The following SSBP3 variants were observed in gnomAD, a reference collection of about 807,000 sequenced individuals.
The protein encoded by SSBP3 is single-stranded DNA-binding protein 3.
SSBP3 carries 5 observed loss-of-function variants against 69.6 expected under a neutral mutation model. The ratio of observed to expected loss-of-function variants is 0.07; its 90% confidence interval spans 0.04 to 0.15. The LOEUF (loss-of-function observed/expected upper bound fraction) is 0.15, where lower values mean the gene tolerates loss of function less well. Ranked by LOEUF, SSBP3 falls within the 10% of genes least tolerant of loss-of-function variation. The pLI is 1.00. For synonymous variants in SSBP3, 196 were observed against 193.4 expected, an observed-to-expected ratio of 1.01 and a Z score of -0.11; for missense variants, 312 against 534.0, an observed-to-expected ratio of 0.58 and a Z score of 4.10.
intron 4 of SSBP3, among the ~76,000 whole-genome samples, chr1:54,311,263 C>T (rs975571250): frequency 6.6e-6 from 1 of 152,160 alleles, no homozygotes; most frequent in South Asian, 2.1e-4. Flanking sequence ...TGACTTAATG[C>T]ACCAACTGCT....
chr1:54,310,218 C>T (rs781074683), intron 4 of SSBP3, among the ~76,000 whole-genome samples: 4 of 150,004 alleles, frequency 2.7e-5, no homozygotes, highest in Non-Finnish European at 6.0e-5. Context: ...GAGGCGCAGC[C>T]AACCTCAACA....
chr1:54,266,304 C>A (rs999349965), intron 5 of SSBP3, among the ~76,000 whole-genome samples: 2 of 152,234 alleles, frequency 1.3e-5, no homozygotes, highest in East Asian at 1.9e-4. Flanking sequence ...AGCCACCAGG[C>A]TGAGCTACAG....
chr1:54,367,197 T>C (rs557992975), intron 4 of SSBP3, among the ~76,000 whole-genome samples: 42 of 152,292 alleles, frequency 2.8e-4, no homozygotes, highest in African/African-American at 9.1e-4. Context: ...AATGATCTAC[T>C]TGGGCAAAAG....
intron 13 of SSBP3, among the ~76,000 whole-genome samples, chr1:54,239,634 G>C (rs1231476497): frequency 1.3e-5 from 2 of 152,220 alleles, no homozygotes; most frequent in South Asian, 2.1e-4. Flanking sequence ...CAGGCTGATG[G>C]GGCAGGAGGG....
chr1:54,373,054 G>A (rs1046133368), intron 4 of SSBP3, among the ~76,000 whole-genome samples: 8 of 152,194 alleles, frequency 5.3e-5, no homozygotes, highest in African/African-American at 1.2e-4. Flanking sequence ...GGCTGTGCAC[G>A]CGTGACTCTG....
chr1:54,286,857 C>T (rs556487387), intron 4 of SSBP3: 2 of 152,320 alleles, frequency 1.3e-5, no homozygotes, highest in Admixed American at 6.5e-5. Context: ...CACCCTGTGC[C>T]GGGCATAGGG....
chr1:54,255,827 C>T (rs1272350794), intron 7 of SSBP3: 6 of 152,312 alleles, frequency 3.9e-5, no homozygotes, highest in African/African-American at 1.4e-4. Context: ...AATCCCAACA[C>T]TGTGGGAGGC....
chr1:54,255,163 G>GGA (rs1644899061), intron 7 of SSBP3, among the ~76,000 whole-genome samples: 1 of 140,298 alleles, frequency 7.1e-6, no homozygotes, highest in Non-Finnish European at 1.6e-5. Flanking sequence ...GGGGGCGGGG[G>GGA]GGGGGGTGGT....
chr1:54,376,754 G>T (rs1647252225), intron 4 of SSBP3, among the ~76,000 whole-genome samples: 1 of 152,190 alleles, frequency 6.6e-6, no homozygotes, highest in Non-Finnish European at 1.5e-5. Context: ...GATATTCAAA[G>T]CAGTACTTAT....
At chr1:54,327,259 AGGAAGGAAGGAAAAC>A (rs1310846769) in intron 4 of SSBP3, among the ~76,000 whole-genome samples, 5 of 151,462 alleles carry the variant, frequency 3.3e-5, no homozygotes, top group Non-Finnish European at 5.9e-5. Context: ...GAAGGAAGGA[AGGAAGGAAGGAAAAC>A]AACAACAAGA....
chr1:54,374,279 G>A (rs1442598874), intron 4 of SSBP3, among the ~76,000 whole-genome samples: 1 of 152,228 alleles, frequency 6.6e-6, no homozygotes, highest in Non-Finnish European at 1.5e-5. Context: ...GTAGCCAGGA[G>A]GCCTGCAGCC....
At chr1:54,230,131 GT>G (rs1344469633) in intron 14 of SSBP3, among the ~76,000 whole-genome samples, 1 of 152,200 alleles carries the variant, frequency 6.6e-6, no homozygotes, top group African/African-American at 2.4e-5. Flanking sequence ...GGGTAAGGCT[GT>G]GACCAGGCTG....
At chr1:54,396,181 G>T (rs1648851414) in intron 4 of SSBP3, among the ~76,000 whole-genome samples, 1 of 91,102 alleles carries the variant, frequency 1.1e-5, no homozygotes, top group Admixed American at 1.5e-4. Flanking sequence ...GACAGAGTGA[G>T]ACTCCATCTC....
At chr1:54,407,575 G>A (rs1649863929), upstream of SSBP3, among the ~76,000 whole-genome samples, 2 of 151,902 alleles carry the variant, frequency 1.3e-5, no homozygotes, top group African/African-American at 2.4e-5. Flanking sequence ...GCGAAATAGG[G>A]GAAGGCTCCC....
rs893609698 is a variant in SSBP3, at chr1:54,251,775, C to T, written c.574+19G>A. On this transcript the variant is annotated intron_variant, in intron 8 of 17. Transcript: ENST00000610401. ...TCCTGGCATCCCCAGCCACCCTAGG[C>T]CCACCCTGCCCTCTCTACCTTGTTG... is the stretch of plus-strand genomic sequence containing the variant. The T allele has an allele frequency of 3.1e-6, 5 of 1,609,374 alleles. No individual in the cohort carries two copies. Among genetic ancestry groups the T allele is most frequent in the Non-Finnish European group, 3.4e-6 (4 of 1,178,504 alleles).
At chr1:54,246,904 T>TCCTG (rs927407293) in intron 9 of SSBP3, among the ~76,000 whole-genome samples, 1 of 152,218 alleles carries the variant, frequency 6.6e-6, no homozygotes. Context: ...TTTGGCCAGC[T>TCCTG]CCTGCCTGCC....
intron 4 of SSBP3, among the ~76,000 whole-genome samples, chr1:54,371,751 T>G (rs1165629908): frequency 6.6e-6 from 1 of 152,056 alleles, no homozygotes; most frequent in Non-Finnish European, 1.5e-5. Context: ...TGCCCACGTT[T>G]TATCTAATCC....
At chr1:54,323,971 CTAAG>C (rs1362786180) in intron 4 of SSBP3, among the ~76,000 whole-genome samples, 1 of 152,198 alleles carries the variant, frequency 6.6e-6, no homozygotes, top group Non-Finnish European at 1.5e-5. Context: ...CAGCATCGCA[CTAAG>C]TATTATCCTA....
chr1:54,281,558 GCCAAA>G (rs1221073321), intron 4 of SSBP3, 31 bp from the exon 5 acceptor site: 4 of 1,539,334 alleles, frequency 2.6e-6, no homozygotes, highest in Non-Finnish European at 3.5e-6. Context: ...AGAGTTAGTG[GCCAAA>G]CCCACAACCA....
Sources: allele counts gnomAD v4.1 joint callset (sites outside exome capture counted in the v4.1 genomes callset), GRCh38; gene constraint gnomAD v4.1.1; transcripts MANE v1.5; gene names NCBI Gene and HGNC (gene_info 2026-07-23, HGNC 2026-07-21).